IQCJ: variants seen among roughly 807,000 people sequenced by gnomAD.
IQCJ encodes IQ domain-containing protein J.
Under a neutral mutation model 11.0 loss-of-function variants are expected in IQCJ, and 9 were observed. That is an observed-to-expected ratio of 0.82 (90% CI 0.49 to 1.43). The LOEUF (loss-of-function observed/expected upper bound fraction) is 1.43. Ranked by LOEUF, IQCJ falls within the 40% of genes most tolerant of loss-of-function variation. The probability of loss-of-function intolerance (pLI) is 0.00; values close to 1 mark genes in which losing one functional copy is unlikely to be tolerated. For synonymous variants in IQCJ, 55 were observed against 51.3 expected (o/e 1.07, Z -0.31); for missense variants, 146 against 133.2 (o/e 1.10, Z -0.47).
In IQCJ at chr3:159,069,886, T is replaced by C. The variant is rs936762359; in HGVS notation, c.9+445T>C. 495 of 279,334 alleles carry C rather than the reference T, an allele frequency of 1.8e-3. 4 individuals are homozygous for C. The highest frequency in any genetic ancestry group is 8.0e-3 in the African/African-American group (302 of 37,652). 17.3% of individuals were successfully genotyped at this position (279,334 alleles called of 1,614,324 possible). A position where few individuals can be genotyped will look rare whatever the true frequency, so the allele number is the denominator to read the frequency against. On this transcript the variant is annotated intron_variant, in intron 1 of 3. Coordinates refer to ENST00000397832, the MANE Select transcript of IQCJ (RefSeq NM_001042706.3). ...GTGTGTGTGTGTGTGTGTGTGTGTG[T>C]GCGTGTGTATGGGGAGGAGGTGTTG...
intron 1 of IQCJ, among the ~76,000 whole-genome samples, chr3:159,210,459 G>T (rs1292529591): frequency 6.6e-6 from 1 of 152,140 alleles, no homozygotes; most frequent in Non-Finnish European, 1.5e-5. Flanking sequence ...AAATGTGCTT[G>T]TTTTGAGATT....
chr3:159,260,623 A>C (rs926814833), intron 3 of IQCJ, among the ~76,000 whole-genome samples: 1 of 152,152 alleles, frequency 6.6e-6, no homozygotes, highest in African/African-American at 2.4e-5. Context: ...AAGACCACCA[A>C]ACTCAGGCAG....
At chr3:159,244,482 A>G (rs1727128619) in intron 1 of IQCJ, among the ~76,000 whole-genome samples, 1 of 152,188 alleles carries the variant, frequency 6.6e-6, no homozygotes, top group South Asian at 2.1e-4. Context: ...CAACTTTTTC[A>G]TCTGCAAAAT....
chr3:159,196,059 C>G (rs1363178872), intron 1 of IQCJ, among the ~76,000 whole-genome samples: 2 of 152,284 alleles, frequency 1.3e-5, no homozygotes, highest in Middle Eastern at 3.4e-3. Flanking sequence ...GTGATATAAT[C>G]CCCATTTTTT....
rs1553787480 is a variant in IQCJ, at chr3:159,200,104, A to AATAAATATATATATAT, written c.10-45736_10-45735insAATATATATATATATA. Among the ~76,000 whole-genome samples the AATAAATATATATATAT allele has an allele frequency of 1.3e-4, 15 of 116,954 alleles. 1 individual carries two copies. Among genetic ancestry groups the AATAAATATATATATAT allele is most frequent in the African/African-American group, 4.6e-4 (12 of 26,368 alleles). The allele number at this position is 116,954 out of a possible 152,430, so 76.7% of individuals were successfully genotyped here. The stretch of plus-strand genomic sequence containing the variant: ...ATATGTATGTATGTGTTTATACATA[A>AATAAATATATATATAT]ATATATATATATATATCACTTTGAA... On this transcript the variant is annotated intron_variant, in intron 1 of 3. Coordinates refer to ENST00000397832, the MANE Select transcript of IQCJ (RefSeq NM_001042706.3).
chr3:159,235,576 A>G (rs193192157), intron 1 of IQCJ, among the ~76,000 whole-genome samples: 62 of 152,294 alleles, frequency 4.1e-4, no homozygotes, highest in Non-Finnish European at 1.3e-4. Flanking sequence ...AGATTAGGGC[A>G]AAGAGCTGGC....
At chr3:159,095,620 T>G (rs1180398131) in intron 1 of IQCJ, among the ~76,000 whole-genome samples, 21 of 91,968 alleles carry the variant, frequency 2.3e-4, no homozygotes, top group Non-Finnish European at 3.2e-4. Context: ...CGGTGTTTGG[T>G]TTTTTGTTCT....
At chr3:159,220,376 G>C (rs1725466366) in intron 1 of IQCJ, among the ~76,000 whole-genome samples, 1 of 152,102 alleles carries the variant, frequency 6.6e-6, no homozygotes, top group Admixed American at 6.6e-5. Context: ...AAATTAGTAA[G>C]AGTGGTGTCC....
chr3:159,085,779 G>A (rs932333868), intron 1 of IQCJ, among the ~76,000 whole-genome samples: 15 of 149,668 alleles, frequency 1.0e-4, no homozygotes, highest in Non-Finnish European at 2.1e-4. Flanking sequence ...TTTTTTTCTT[G>A]TAAATTTGTT....
intron 1 of IQCJ, among the ~76,000 whole-genome samples, chr3:159,213,822 T>G (rs1423550111): frequency 6.6e-6 from 1 of 152,190 alleles, no homozygotes; most frequent in Non-Finnish European, 1.5e-5. Flanking sequence ...CATCACAGTT[T>G]TCCATTCTTA....
chr3:159,070,623 A>C (rs1422289078), intron 1 of IQCJ, among the ~76,000 whole-genome samples: 1 of 152,100 alleles, frequency 6.6e-6, no homozygotes, highest in South Asian at 2.1e-4. Context: ...TTCACTTTGC[A>C]TTATGCTCTT....
At chr3:159,254,329 C>T (rs1727771640) in intron 3 of IQCJ, among the ~76,000 whole-genome samples, 1 of 151,890 alleles carries the variant, frequency 6.6e-6, no homozygotes, top group Non-Finnish European at 1.5e-5. Flanking sequence ...AAGGACTAGG[C>T]AGAGAAAAAA....
At chr3:159,125,612 T>A (rs1208085984) in intron 1 of IQCJ, among the ~76,000 whole-genome samples, 1 of 152,212 alleles carries the variant, frequency 6.6e-6, no homozygotes, top group African/African-American at 2.4e-5. Context: ...TTCTAAAAGC[T>A]GAAATTTATT....
At chr3:159,215,659 C>T (rs538890271) in intron 1 of IQCJ, among the ~76,000 whole-genome samples, 2 of 152,214 alleles carry the variant, frequency 1.3e-5, no homozygotes, top group Admixed American at 1.3e-4. Flanking sequence ...AATTGAACTT[C>T]CACCAGACAG....
intron 1 of IQCJ, among the ~76,000 whole-genome samples, chr3:159,168,961 T>C (rs1355555191): frequency 7.7e-6 from 1 of 129,386 alleles, no homozygotes; most frequent in Admixed American, 8.6e-5. Flanking sequence ...CTCATGACGA[T>C]GAAGACATGA....
At chr3:159,242,092 G>A (rs1726958299) in intron 1 of IQCJ, among the ~76,000 whole-genome samples, 1 of 152,146 alleles carries the variant, frequency 6.6e-6, no homozygotes, top group South Asian at 2.1e-4. Context: ...ATCTAAAAGG[G>A]AGCAACCGTG....
chr3:159,162,257 A>C (rs1721907339), intron 1 of IQCJ, among the ~76,000 whole-genome samples: 1 of 152,120 alleles, frequency 6.6e-6, no homozygotes, highest in African/African-American at 2.4e-5. Context: ...ATCCCTTGTA[A>C]GCTGGATTCC....
rs572620753 is a variant in IQCJ, at chr3:159,072,146, G to A, written c.9+2705G>A. ...TATTAACCATTATTTATGGAGGCAA[G>A]ACACCTTCAATATGGTTTGAGAATT... On this transcript the variant is annotated intron_variant, in intron 1 of 3. Coordinates refer to ENST00000397832, the MANE Select transcript of IQCJ (RefSeq NM_001042706.3). Among the ~76,000 whole-genome samples the A allele has an allele frequency of 1.1e-4, 17 of 152,244 alleles. No individual in the cohort carries two copies. In the South Asian group the frequency reaches 1.7e-3, roughly 15 times the overall value.
intron 1 of IQCJ, among the ~76,000 whole-genome samples, chr3:159,171,156 AC>A (rs1371877411): frequency 2.6e-5 from 4 of 152,018 alleles, no homozygotes; most frequent in Admixed American, 6.6e-5. Flanking sequence ...AAAAAAAAAA[AC>A]AAAACCAGCA....
Sources: allele counts gnomAD v4.1 joint callset (sites outside exome capture counted in the v4.1 genomes callset), GRCh38; gene constraint gnomAD v4.1.1; transcripts MANE v1.5; gene names NCBI Gene and HGNC (gene_info 2026-07-23, HGNC 2026-07-21).